The following CFAP47 variants were observed in gnomAD, a reference collection of about 807,000 sequenced individuals.
The protein encoded by CFAP47 is cilia- and flagella-associated protein 47.
In CFAP47, 29 loss-of-function variants were observed where a neutral mutation model predicts 148.1. That is an observed-to-expected ratio of 0.20 (90% CI 0.15 to 0.27). The LOEUF is 0.27. Among genes scored for constraint, CFAP47 ranks in the 10% least tolerant of loss-of-function variants. The probability of loss-of-function intolerance (pLI) is 1.00; values close to 1 mark genes in which losing one functional copy is unlikely to be tolerated. For missense variants in CFAP47, 1,872 were observed against 1,697.5 expected, an observed-to-expected ratio of 1.10 and a Z score of -1.81; for synonymous variants, 664 against 577.3, an observed-to-expected ratio of 1.15 and a Z score of -2.15.
intron 8 of CFAP47, among the ~76,000 whole-genome samples, chrX:35,962,511 A>T (rs1459767765): frequency 9.0e-6 from 1 of 110,962 alleles, no homozygotes; most frequent in Non-Finnish European, 1.9e-5. Flanking sequence ...TATGGTTATA[A>T]TATGCATTCC....
chrX:36,176,003 C>T (rs1316538210), intron 39 of CFAP47, among the ~76,000 whole-genome samples: 6 of 111,632 alleles, frequency 5.4e-5, no homozygotes, highest in Non-Finnish European at 1.1e-4. Context: ...AATCTCCTGG[C>T]GCGCCCTTTT....
intron 39 of CFAP47, among the ~76,000 whole-genome samples, chrX:36,171,879 T>C (rs957528736): frequency 5.5e-5 from 6 of 109,401 alleles, no homozygotes; most frequent in African/African-American, 2.0e-4. Context: ...ATCTATAAAT[T>C]ACCTTGGGCA....
At chrX:36,016,545 C>T (rs960973078) in intron 22 of CFAP47, among the ~76,000 whole-genome samples, 5 of 110,737 alleles carry the variant, frequency 4.5e-5, no homozygotes, top group Non-Finnish European at 9.5e-5. Flanking sequence ...TTTTCTTTAT[C>T]CAGTAATCTG....
rs189010834 is a variant in CFAP47, at chrX:36,224,732, A to G, written c.6818-3896A>G. ...ATACCCAGTATATACACAGGTCAAA[A>G]TACCCAGGTAGTACCATGTGGAGAT... is the stretch of plus-strand genomic sequence containing the variant. On this transcript the variant is annotated intron_variant, in intron 45 of 63. Transcript: ENST00000378653. Among the ~76,000 whole-genome samples the G allele has an allele frequency of 5.3e-3, 598 of 111,899 alleles. 1 individual carries two copies. The highest frequency in any genetic ancestry group is 0.018 in the African/African-American group (568 of 30,892).
chrX:35,922,292 TTCTG>T (rs916362637), intron 1 of CFAP47, among the ~76,000 whole-genome samples: 4 of 112,516 alleles, frequency 3.6e-5, no homozygotes, highest in Admixed American at 1.9e-4. Flanking sequence ...CCCAAATTAT[TTCTG>T]TCTTACTGGA....
chrX:36,237,482 A>G (rs1555994973), intron 48 of CFAP47, among the ~76,000 whole-genome samples: 1 of 111,351 alleles, frequency 9.0e-6, no homozygotes, highest in Non-Finnish European at 1.9e-5. Flanking sequence ...GGCATGTGCC[A>G]CCACGCCCAG....
chrX:36,299,047 C>G lies in CFAP47; in HGVS notation c.7757C>G (p.Thr2586Arg), dbSNP rs375860775. The change falls in exon 52 of 64, where the codon ACG becomes AGG. Residue 2586 changes from threonine to arginine, a missense_variant. Transcript: ENST00000378653. Reference sequence around the variant, plus strand: ...GGTCTTCACTTAGAGGTGCAGTTAACGAGTGCTGCCCTTAATGGGGATAAT... The same window carrying G: ...GGTCTTCACTTAGAGGTGCAGTTAAGGAGTGCTGCCCTTAATGGGGATAAT... ...DRGLHLEVQL[T>R]SAALNGDNEI... 2 of 1,145,720 alleles carry G rather than the reference C, an allele frequency of 1.7e-6. No individual in the cohort carries two copies. Among genetic ancestry groups the G allele is most frequent in the Admixed American group, 5.2e-5 (2 of 38,425 alleles). The allele number at this position is 1,145,720 out of a possible 1,213,427, so 94.4% of individuals were successfully genotyped here.
intron 42 of CFAP47, among the ~76,000 whole-genome samples, chrX:36,193,285 G>A (rs782089489): frequency 1.4e-4 from 16 of 111,736 alleles, no homozygotes; most frequent in Non-Finnish European, 3.0e-4. Context: ...CTTGTTTATT[G>A]AATGTGAAGG....
intron 30 of CFAP47, among the ~76,000 whole-genome samples, chrX:36,088,076 C>T (rs1196309489): frequency 9.0e-6 from 1 of 111,273 alleles, no homozygotes; most frequent in African/African-American, 3.3e-5. Flanking sequence ...ACAAGCCAAA[C>T]TGGATTTGGT....
At chrX:36,016,695 G>T (rs1937099470) in intron 22 of CFAP47, among the ~76,000 whole-genome samples, 1 of 97,883 alleles carries the variant, frequency 1.0e-5, no homozygotes, top group African/African-American at 4.1e-5. Flanking sequence ...TGGATCTTAT[G>T]CCAGTCTTTT....
rs758084369 is a variant in CFAP47 at position 36,052,028 on chromosome X, T to C, written c.4217+4965T>C. ...GCTTCTCCTTTGCCTTCCACCATGA[T>C]TGTGAGGCCTCCCCAGCCATGTGGA... On this transcript the variant is annotated intron_variant, in intron 26 of 63. Coordinates refer to ENST00000378653, the MANE Select transcript of CFAP47 (RefSeq NM_001304548.2). 3.6e-5 allele frequency among the ~76,000 whole-genome samples: 4 copies of C among 111,932 alleles called. No homozygotes were observed. The South Asian group carries it at 1.5e-3, about 42-fold the overall frequency.
intron 45 of CFAP47, chrX:36,211,424 G>C (rs782620713): frequency 8.2e-6 from 2 of 244,244 alleles, no homozygotes; most frequent in Admixed American, 8.9e-5. Flanking sequence ...CCTTTTTTCT[G>C]TTCTGTTCTG....
Position 36,176,307 on chromosome X carries a change from G to A in CFAP47, c.6027-3038G>A, listed in dbSNP as rs144818162. Among the ~76,000 whole-genome samples, 35 of 112,153 alleles carry A rather than the reference G, an allele frequency of 3.1e-4. No individual in the cohort carries two copies. In the East Asian group the frequency reaches 9.1e-3, roughly 29 times the overall value. ...CTGTAGACCGGAGCTGTTCCTATTC[G>A]GCCATCTTGGCTCCTCCAACTGTAT... On this transcript the variant is annotated intron_variant, in intron 39 of 63. Coordinates refer to ENST00000378653, the MANE Select transcript of CFAP47 (RefSeq NM_001304548.2).
At position 35,970,895 on chromosome X, in the gene CFAP47, G is replaced by A. The variant is rs763875914; in HGVS notation, c.1942G>A (p.Val648Met). 1 of 1,189,802 alleles carries A rather than the reference G, an allele frequency of 8.4e-7. No individual in the cohort carries two copies. Among genetic ancestry groups the A allele is most frequent in the Non-Finnish European group, 1.1e-6 (1 of 885,635 alleles). Residue 648 changes from valine (V) to methionine (M), a missense_variant, in exon 11 of 64, where the codon GTG (valine) becomes ATG (methionine). Physicochemically the swap from Val to Met is conservative, Grantham distance 21. Coordinates refer to ENST00000378653, the MANE Select transcript of CFAP47 (RefSeq NM_001304548.2). ...AATGTATCTTAAATATTTAAGAAGT[G>A]TGCGCTTGCAGAAGAAACAAGCAGA... is the stretch of plus-strand genomic sequence containing the variant. ...YAMYLKYLRS[V>M]RLQKKQAERE...
intron 48 of CFAP47, among the ~76,000 whole-genome samples, chrX:36,244,784 A>C (rs781886240): frequency 9.0e-6 from 1 of 110,636 alleles, no homozygotes; most frequent in African/African-American, 3.3e-5. Context: ...TTCACAGCCA[A>C]ATTATATCAC....
chrX:35,981,635 G>A (rs769419294), intron 15 of CFAP47, among the ~76,000 whole-genome samples: 1 of 111,279 alleles, frequency 9.0e-6, no homozygotes, highest in Non-Finnish European at 1.9e-5. Context: ...GTTAATAAGT[G>A]TAGTACCCAA....
intron 15 of CFAP47, 75 bp downstream of exon 15, chrX:35,975,988 T>C: frequency 9.6e-7 from 1 of 1,046,976 alleles, no homozygotes; most frequent in Non-Finnish European, 1.3e-6. Context: ...TAATTATTTA[T>C]TGAGTGTGTA....
At chrX:36,197,112 T>C (rs1555987358) in intron 42 of CFAP47, among the ~76,000 whole-genome samples, 1 of 111,967 alleles carries the variant, frequency 8.9e-6, no homozygotes, top group Non-Finnish European at 1.9e-5. Flanking sequence ...ACAAAGAATA[T>C]ATTGATATTG....
In CFAP47 at chrX:36,379,208, C is replaced by T. The variant is rs182615312; in HGVS notation, c.9186-142C>T. The T allele has an allele frequency of 8.0e-4, 401 of 504,254 alleles. 4 individuals carry two copies. In the East Asian group the frequency reaches 0.012, roughly 15 times the overall value. 41.6% of individuals were successfully genotyped at this position (504,254 alleles called of 1,213,427 possible). ...TCAGTAATTTTTTTTAAAATGCCTC[C>T]TCACTATTATTTGGTAAGCATTCAG... On this transcript the variant is annotated intron_variant, in intron 62 of 63. Transcript: ENST00000378653.
Sources: allele counts gnomAD v4.1 joint callset (sites outside exome capture counted in the v4.1 genomes callset), GRCh38; gene constraint gnomAD v4.1.1; transcripts MANE v1.5; gene names NCBI Gene and HGNC (gene_info 2026-07-23, HGNC 2026-07-21).